Variants in SNX24 observed in about 807,000 individuals in gnomAD.
SNX24 encodes sorting nexin 24.
A neutral mutation model predicts 28.7 loss-of-function variants in SNX24; 22 were observed. The ratio of observed to expected loss-of-function variants is 0.77; its 90% CI spans 0.55 to 1.10. The LOEUF (loss-of-function observed/expected upper bound fraction) is 1.10. SNX24 is among the 50% of genes least tolerant of loss of function. SNX24 has a pLI of 0.00. For missense variants in SNX24, 221 were observed against 201.1 expected (o/e 1.10, Z -0.60); for synonymous variants, 69 against 71.5 (o/e 0.96, Z 0.18).
chr5:122,908,786 G>T (rs1757755307), intron 1 of SNX24, among the ~76,000 whole-genome samples: 1 of 152,224 alleles, frequency 6.6e-6, no homozygotes, highest in African/African-American at 2.4e-5. Flanking sequence ...CTGTTTCTAT[G>T]TCCTGATAGG....
At chr5:122,999,374 G>T (rs951713922) in intron 3 of SNX24, among the ~76,000 whole-genome samples, 1 of 151,976 alleles carries the variant, frequency 6.6e-6, no homozygotes, top group Non-Finnish European at 1.5e-5. Flanking sequence ...ACAGGTGATA[G>T]TTGAGGGTTC....
At chr5:122,927,094 G>A (rs1376243670) in intron 1 of SNX24, among the ~76,000 whole-genome samples, 1 of 152,210 alleles carries the variant, frequency 6.6e-6, no homozygotes, top group African/African-American at 2.4e-5. Flanking sequence ...GTGTTTTAAT[G>A]ATTTGCATGG....
In SNX24 at chr5:123,008,125, T is replaced by G; in HGVS notation, c.*376T>G. On this transcript the variant is annotated 3_prime_UTR_variant, in exon 7 of 7. Transcript: ENST00000261369. ...ATATCCTGAATCATACTGAGACTGATCAACTTTGGTAGCTTTTTTGTTCAG... is the reference window on the plus strand; with the variant it reads ...ATATCCTGAATCATACTGAGACTGAGCAACTTTGGTAGCTTTTTTGTTCAG... 1.0e-6 allele frequency: 1 copy of G among 999,234 alleles called. No homozygotes were observed. The highest frequency in any genetic ancestry group is 1.1e-4 in the East Asian group (1 of 9,188). The allele number at this position is 999,234 out of a possible 1,614,324, so 61.9% of individuals were successfully genotyped here. A position where few individuals can be genotyped will look rare whatever the true frequency, so the allele number is the denominator to read the frequency against.
chr5:123,015,202 T>A (rs1320289028), intron 5 of SNX24, among the ~76,000 whole-genome samples: 1 of 152,190 alleles, frequency 6.6e-6, no homozygotes, highest in Non-Finnish European at 1.5e-5. Flanking sequence ...GAAGAACAAC[T>A]GTTGAATGGG....
At chr5:122,934,426 C>T (rs1488269310) in intron 1 of SNX24, among the ~76,000 whole-genome samples, 2 of 152,140 alleles carry the variant, frequency 1.3e-5, no homozygotes, top group Admixed American at 1.3e-4. Flanking sequence ...GTGGCACGAT[C>T]TTGGCTCACT....
intron 1 of SNX24, among the ~76,000 whole-genome samples, chr5:122,898,602 T>C (rs1757302325): frequency 6.6e-6 from 1 of 152,156 alleles, no homozygotes; most frequent in African/African-American, 2.4e-5. Flanking sequence ...AGAAGTGTTG[T>C]TGTATAGGTT....
At chr5:122,866,896 C>A (rs1018483033) in intron 1 of SNX24, among the ~76,000 whole-genome samples, 1 of 152,180 alleles carries the variant, frequency 6.6e-6, no homozygotes, top group African/African-American at 2.4e-5. Context: ...AAGCATTCCT[C>A]ACTATGGAAC....
intron 1 of SNX24, among the ~76,000 whole-genome samples, chr5:122,851,209 G>A (rs1485195444): frequency 1.3e-5 from 2 of 152,190 alleles, no homozygotes; most frequent in Admixed American, 6.5e-5. Context: ...GCGTCACCCA[G>A]GCTGGAGTGC....
At chr5:122,884,255 T>C (rs992788676) in intron 1 of SNX24, among the ~76,000 whole-genome samples, 2 of 141,786 alleles carry the variant, frequency 1.4e-5, no homozygotes, top group Non-Finnish European at 3.0e-5. Flanking sequence ...CTTTTTCTTT[T>C]TTTTTTTTTT....
At chr5:123,028,404 C>T (rs1196280750) in intron 5 of SNX24, 5 of 175,954 alleles carry the variant, frequency 2.8e-5, no homozygotes, top group Non-Finnish European at 4.7e-5. Flanking sequence ...CTGCAACGCC[C>T]ACCTCTGCCG....
intron 1 of SNX24, among the ~76,000 whole-genome samples, chr5:122,867,244 G>T (rs1200873486): frequency 6.6e-6 from 1 of 152,142 alleles, no homozygotes; most frequent in Non-Finnish European, 1.5e-5. Context: ...ATGAGCATGG[G>T]ACCATTGCCT....
chr5:122,883,368 T>C (rs1406094648), intron 1 of SNX24, among the ~76,000 whole-genome samples: 1 of 152,236 alleles, frequency 6.6e-6, no homozygotes, highest in African/African-American at 2.4e-5. Context: ...CAATTATTAA[T>C]AGCATTTTCT....
chr5:122,892,685 G>A (rs1581713663), intron 1 of SNX24, among the ~76,000 whole-genome samples: 1 of 151,922 alleles, frequency 6.6e-6, no homozygotes, highest in Non-Finnish European at 1.5e-5. Context: ...TGATCTGTCT[G>A]CCTCGGCCTC....
At chr5:122,901,800 C>T (rs149215362) in intron 1 of SNX24, among the ~76,000 whole-genome samples, 23 of 152,266 alleles carry the variant, frequency 1.5e-4, no homozygotes, top group African/African-American at 5.5e-4. Flanking sequence ...GTCCTAGGGT[C>T]CTCCTCCACA....
chr5:122,964,057 G>A (rs113615021), intron 3 of SNX24, among the ~76,000 whole-genome samples: 6 of 151,798 alleles, frequency 4.0e-5, no homozygotes, highest in African/African-American at 9.7e-5. Flanking sequence ...CCTGGCCAAC[G>A]TGGCGAAACC....
At chr5:122,962,734 A>G (rs1169664078) in intron 3 of SNX24, among the ~76,000 whole-genome samples, 3 of 152,226 alleles carry the variant, frequency 2.0e-5, no homozygotes, top group South Asian at 2.1e-4. Context: ...GGAATTGAAT[A>G]AAAATATTAA....
At chr5:122,914,263 A>G (rs1449437374) in intron 1 of SNX24, among the ~76,000 whole-genome samples, 1 of 152,200 alleles carries the variant, frequency 6.6e-6, no homozygotes, top group Non-Finnish European at 1.5e-5. Flanking sequence ...ATCATGATGG[A>G]TAAGCTTTTT....
chr5:122,863,926 T>C (rs1173772990), intron 1 of SNX24, among the ~76,000 whole-genome samples: 2 of 150,980 alleles, frequency 1.3e-5, no homozygotes, highest in African/African-American at 4.9e-5. Flanking sequence ...TCCCAGCCCA[T>C]GTTGGCTTTT....
rs149729885 is a variant in SNX24, at chr5:122,927,216, A to G, written c.61-9518A>G. ...CAGGTTAAACAACTTGCTCCAAATC[A>G]TAGAGTATTAGCAGAGCCCAGAAGA... On this transcript the variant is annotated intron_variant, in intron 1 of 6. Coordinates refer to ENST00000261369, the MANE Select transcript of SNX24 (RefSeq NM_014035.4). Among the ~76,000 whole-genome samples, 330 of 152,310 alleles carry G rather than the reference A, an allele frequency of 2.2e-3. 1 individual carries two copies. Among genetic ancestry groups the G allele is most frequent in the African/African-American group, 7.7e-3 (320 of 41,560 alleles).
Sources: allele counts gnomAD v4.1 joint callset (sites outside exome capture counted in the v4.1 genomes callset), GRCh38; gene constraint gnomAD v4.1.1; transcripts MANE v1.5; gene names NCBI Gene and HGNC (gene_info 2026-07-23, HGNC 2026-07-21).